The following PSMB5 variants were observed in gnomAD, a reference collection of about 807,000 sequenced individuals.
PSMB5 encodes the protein proteasome 20S subunit beta 5, also known as proteasome subunit beta type-5.
Under a neutral mutation model 22.8 loss-of-function variants are expected in PSMB5, and 2 were observed. The ratio of observed to expected loss-of-function variants is 0.09; its 90% CI spans 0.04 to 0.28. The LOEUF is 0.28. Among genes scored for constraint, PSMB5 ranks in the 10% least tolerant of loss-of-function variants. The pLI is 1.00. For synonymous variants in PSMB5, 133 were observed against 135.3 expected (o/e 0.98, Z 0.12); for missense variants, 269 against 343.8 (o/e 0.78, Z 1.72).
upstream of PSMB5, chr14:23,035,139 T>A: frequency 1.8e-6 from 1 of 562,612 alleles, no homozygotes; most frequent in African/African-American, 1.9e-5. Flanking sequence ...GTCATGCAAG[T>A]AGTCCTGGAT....
Position 23,025,870 on chromosome 14 carries a change from G to C in PSMB5, c.*219C>G, listed in dbSNP as rs1237414215. 1.1e-5 allele frequency: 15 copies of C among 1,405,976 alleles called. No homozygotes were observed. Among genetic ancestry groups the C allele is most frequent in the Non-Finnish European group, 1.4e-5 (15 of 1,081,988 alleles). 87.1% of individuals were successfully genotyped at this position (1,405,976 alleles called of 1,614,324 possible). A position where few individuals can be genotyped will look rare whatever the true frequency, so the allele number is the denominator to read the frequency against. On this transcript the variant is annotated 3_prime_UTR_variant, in exon 3 of 3. Transcript: ENST00000361611. Reference sequence around the variant, plus strand: ...ACAGGCTGAGATTGAGTAGTGAGTAGTGTAATGTTAACATCCAAGAAAGTA... The same window carrying C: ...ACAGGCTGAGATTGAGTAGTGAGTACTGTAATGTTAACATCCAAGAAAGTA...
At chr14:23,027,932 T>G in intron 2 of PSMB5, 1 of 702,144 alleles carries the variant, frequency 1.4e-6, no homozygotes. Context: ...TCACCTGAGG[T>G]CAGGAGTTCA....
intron 2 of PSMB5, among the ~76,000 whole-genome samples, chr14:23,032,261 A>G (rs2046958209): frequency 6.6e-6 from 1 of 151,732 alleles, no homozygotes; most frequent in East Asian, 1.9e-4. Context: ...CCTGGCCAAC[A>G]TGGTGAAACC....
At chr14:23,028,531 G>A (rs367679958) in intron 2 of PSMB5, among the ~76,000 whole-genome samples, 14 of 152,212 alleles carry the variant, frequency 9.2e-5, no homozygotes, top group African/African-American at 1.4e-4. Context: ...TTTTAAAAGC[G>A]TAGCTAGTAT....
upstream of PSMB5, chr14:23,035,065 C>G: frequency 8.1e-7 from 1 of 1,239,068 alleles, no homozygotes; most frequent in Non-Finnish European, 1.1e-6. Context: ...TGAAGGGGGT[C>G]GGGGAAATAG....
chr14:23,035,002 G>A (rs1053639478), upstream of PSMB5: 6 of 1,439,484 alleles, frequency 4.2e-6, no homozygotes, highest in Admixed American at 1.7e-4. Context: ...CATTTTGACT[G>A]CTGGCAAGCA....
chr14:23,033,727 C>A, intron 1 of PSMB5, 53 bp from the exon 2 acceptor site: 1 of 1,490,238 alleles, frequency 6.7e-7, no homozygotes, highest in Non-Finnish European at 9.1e-7. Flanking sequence ...CACAAAAACA[C>A]TCCTACATAC....
intron 2 of PSMB5, among the ~76,000 whole-genome samples, chr14:23,028,926 C>A (rs545434148): frequency 5.3e-5 from 8 of 152,328 alleles, no homozygotes; most frequent in African/African-American, 1.9e-4. Context: ...CCACACTCAT[C>A]TCTCTTGTGC....
chr14:23,029,591 A>G (rs996953382), intron 2 of PSMB5, among the ~76,000 whole-genome samples: 2 of 152,152 alleles, frequency 1.3e-5, no homozygotes, highest in Non-Finnish European at 2.9e-5. Flanking sequence ...TTGTTTCCCA[A>G]GCTGGAGTGC....
intron 1 of PSMB5, among the ~76,000 whole-genome samples, chr14:23,034,108 A>T (rs1268707852): frequency 6.6e-6 from 1 of 150,844 alleles, no homozygotes; most frequent in African/African-American, 2.5e-5. Flanking sequence ...CCTGAGCGAC[A>T]GCGAAAAGCC....
At position 23,034,693 on chromosome 14, in the gene PSMB5, C is replaced by T; in HGVS notation, c.189G>A (p.Leu63=). Residue 63 remains leucine, a synonymous_variant, in exon 1 of 3, where the codon CTG becomes CTA. Coordinates refer to ENST00000361611, the MANE Select transcript of PSMB5 (RefSeq NM_002797.5). ...GGGGCTGGCTCCACACCTTGAAGGC[C>T]AGGGTGGTTGTTCCATGAAGCATTT... The part of the protein sequence containing the change: ...GIEMLHGTTT[L]AFKFRHGVIV... 1.9e-6 allele frequency: 3 copies of T among 1,614,132 alleles called. No individual in the cohort carries two copies. The highest frequency in any genetic ancestry group is 2.5e-6 in the Non-Finnish European group (3 of 1,180,016).
At chr14:23,030,641 T>C (rs1436802334) in intron 2 of PSMB5, among the ~76,000 whole-genome samples, 1 of 152,122 alleles carries the variant, frequency 6.6e-6, no homozygotes, top group Non-Finnish European at 1.5e-5. Flanking sequence ...CCTGCATATA[T>C]GAAAAGTTGG....
chr14:23,033,323 A>G (rs2046967182), intron 2 of PSMB5, 45 bp downstream of exon 2: 1 of 1,574,038 alleles, frequency 6.4e-7, no homozygotes, highest in South Asian at 1.1e-5. Context: ...ACCCCTCCTC[A>G]CTGTAGTGTC....
intron 2 of PSMB5, among the ~76,000 whole-genome samples, chr14:23,028,392 A>G (rs1438468896): frequency 6.6e-6 from 1 of 152,248 alleles, no homozygotes; most frequent in African/African-American, 2.4e-5. Context: ...AAAGACCTGC[A>G]CTGTCCATAT....
chr14:23,035,083 C>G, upstream of PSMB5: 3 of 1,042,182 alleles, frequency 2.9e-6, no homozygotes, highest in South Asian at 5.5e-5. Context: ...TAGATGGCTT[C>G]ACTAACCTTA....
At chr14:23,027,778 C>T (rs1451847062) in intron 2 of PSMB5, 4 of 1,548,836 alleles carry the variant, frequency 2.6e-6, no homozygotes, top group Non-Finnish European at 3.5e-6. Flanking sequence ...AGCACACCCA[C>T]AAAACAAGTA....
At position 23,033,513 on chromosome 14, in the gene PSMB5, C is replaced by T; in HGVS notation, c.360G>A (p.Arg120=). Residue 120 remains arginine, a synonymous_variant, in exon 2 of 3, where the codon CGG becomes CGA. Coordinates refer to ENST00000361611, the MANE Select transcript of PSMB5 (RefSeq NM_002797.5). ...TTCGAAGCTCATAGATTCGACATTGCCGAGCCAACAGCCGTTCCCAGAAGC... is the reference window on the plus strand; with the variant it reads ...TTCGAAGCTCATAGATTCGACATTGTCGAGCCAACAGCCGTTCCCAGAAGC... ...DCSFWERLLA[R]QCRIYELRNK... 6.2e-7 allele frequency: 1 copy of T among 1,614,138 alleles called. No homozygotes were observed. Among genetic ancestry groups the T allele is most frequent in the Non-Finnish European group, 8.5e-7 (1 of 1,180,038 alleles).
chr14:23,027,054 C>G (rs2046919461), intron 2 of PSMB5, among the ~76,000 whole-genome samples: 1 of 149,200 alleles, frequency 6.7e-6, no homozygotes, highest in Admixed American at 6.7e-5. Context: ...TGCACTCCAG[C>G]CTGGGCAACA....
intron 2 of PSMB5, among the ~76,000 whole-genome samples, chr14:23,033,095 T>G (rs2046965423): frequency 6.6e-6 from 1 of 150,694 alleles, no homozygotes; most frequent in Non-Finnish European, 1.5e-5. Flanking sequence ...TTAGTAGAGA[T>G]GGGGTTTCGC....
Sources: allele counts gnomAD v4.1 joint callset (sites outside exome capture counted in the v4.1 genomes callset), GRCh38; gene constraint gnomAD v4.1.1; transcripts MANE v1.5; gene names NCBI Gene and HGNC (gene_info 2026-07-23, HGNC 2026-07-21).